The following TSNARE1 variants were observed in gnomAD, a reference collection of about 807,000 sequenced individuals.
The protein encoded by TSNARE1 is t-SNARE domain containing 1, also known as t-SNARE domain-containing protein 1.
In TSNARE1, 49 loss-of-function variants were observed where a neutral mutation model predicts 62.0. The ratio of observed to expected loss-of-function variants is 0.79; its 90% CI spans 0.63 to 1.00. The LOEUF is 1.00. Among genes scored for constraint, TSNARE1 ranks in the 50% least tolerant of loss-of-function variants. The pLI is 0.00. For synonymous variants in TSNARE1, 328 were observed against 294.4 expected, an observed-to-expected ratio of 1.11 and a Z score of -1.17; for missense variants, 755 against 700.1, an observed-to-expected ratio of 1.08 and a Z score of -0.88.
intron 12 of TSNARE1, chr8:142,269,478 T>C: frequency 2.0e-6 from 2 of 985,438 alleles, no homozygotes; most frequent in African/African-American, 3.5e-5. Context: ...TCAGCCGTGC[T>C]GGGTATCTTT....
In TSNARE1 at chr8:142,357,580, C is replaced by T. The variant is rs571930391; in HGVS notation, c.-39-2817G>A. The stretch of plus-strand genomic sequence containing the variant: ...AGGAGGGTGGAGCTAGGGATTGGCA[C>T]GGAACCCAGGGAGAGTCAAGGACAA... On this transcript the variant is annotated intron_variant, in intron 1 of 13. Coordinates refer to ENST00000524325, the MANE Select transcript of TSNARE1 (RefSeq NM_145003.5). 4.6e-4 allele frequency among the ~76,000 whole-genome samples: 70 copies of T among 152,222 alleles called. No individual in the cohort carries two copies. The East Asian group carries it at 9.9e-3, about 21-fold the overall frequency.
At chr8:142,287,195 C>A (rs1269354622) in intron 10 of TSNARE1, among the ~76,000 whole-genome samples, 7 of 147,972 alleles carry the variant, frequency 4.7e-5, no homozygotes, top group Admixed American at 4.7e-4. Flanking sequence ...CCCAGGACCC[C>A]GGCCAGATCT....
intron 1 of TSNARE1, among the ~76,000 whole-genome samples, chr8:142,356,979 C>T (rs563068996): frequency 1.3e-5 from 2 of 152,112 alleles, no homozygotes; most frequent in Admixed American, 6.5e-5. Flanking sequence ...AGAGGAGCAC[C>T]GAGAAGCCAA....
At chr8:142,337,576 C>A (rs185500687) in intron 4 of TSNARE1, among the ~76,000 whole-genome samples, 1 of 152,218 alleles carries the variant, frequency 6.6e-6, no homozygotes, top group Non-Finnish European at 1.5e-5. Context: ...CTGAGGGAGC[C>A]GCGGGGAGTG....
At chr8:142,272,823 A>G (rs1199848978) in intron 12 of TSNARE1, 20 of 983,260 alleles carry the variant, frequency 2.0e-5, no homozygotes, top group Non-Finnish European at 2.2e-5. Context: ...GGCCCCTCGC[A>G]GGCGGGAACA....
intron 12 of TSNARE1, among the ~76,000 whole-genome samples, chr8:142,247,299 C>G (rs184689085): frequency 2.2e-4 from 34 of 152,370 alleles, no homozygotes; most frequent in Middle Eastern, 3.4e-3. Context: ...GTCCAGCCCC[C>G]ACCCTGGTGC....
intron 9 of TSNARE1, among the ~76,000 whole-genome samples, chr8:142,307,100 T>C (rs1177636362): frequency 3.3e-5 from 5 of 152,242 alleles, no homozygotes; most frequent in Admixed American, 2.0e-4. Context: ...CTCAGCGTTA[T>C]GTCCGAGGCA....
chr8:142,213,464 C>T (rs1815673546), intron 13 of TSNARE1, among the ~76,000 whole-genome samples: 1 of 151,554 alleles, frequency 6.6e-6, no homozygotes, highest in South Asian at 2.1e-4. Context: ...ATCATTTTTG[C>T]ACAACCAATA....
chr8:142,378,440 C>G (rs908298407), intron 1 of TSNARE1, among the ~76,000 whole-genome samples: 20 of 152,242 alleles, frequency 1.3e-4, no homozygotes, highest in African/African-American at 2.4e-5. Flanking sequence ...CAAAACTCAT[C>G]ACACGGAACA....
intron 12 of TSNARE1, among the ~76,000 whole-genome samples, chr8:142,244,514 A>G (rs537155193): frequency 1.3e-5 from 2 of 152,204 alleles, no homozygotes; most frequent in African/African-American, 4.8e-5. Context: ...AGACAAGAAG[A>G]CTCACCATCG....
intron 11 of TSNARE1, chr8:142,277,917 CCCACA>C (rs1820767909): frequency 1.0e-6 from 1 of 985,402 alleles, no homozygotes; most frequent in Non-Finnish European, 1.2e-6. Flanking sequence ...CCTTCTCAGC[CCCACA>C]CCACATGTCT....
chr8:142,287,731 G>T (rs1310152667), intron 10 of TSNARE1, among the ~76,000 whole-genome samples: 2 of 138,514 alleles, frequency 1.4e-5, no homozygotes, highest in African/African-American at 5.5e-5. Context: ...AGATCTCAGG[G>T]ACAGTGGGCC....
At chr8:142,312,401 T>G (rs557501598) in intron 9 of TSNARE1, among the ~76,000 whole-genome samples, 27 of 152,296 alleles carry the variant, frequency 1.8e-4, no homozygotes, top group South Asian at 8.3e-4. Flanking sequence ...TTGCAGAGAT[T>G]CTAGATGATG....
intron 1 of TSNARE1, among the ~76,000 whole-genome samples, chr8:142,368,019 G>A (rs966172776): frequency 6.6e-6 from 1 of 151,970 alleles, no homozygotes; most frequent in African/African-American, 2.4e-5. Context: ...CCTCTATGTA[G>A]GGAAAAGTTT....
chr8:142,403,252 G>C (rs930785485), upstream of TSNARE1: 5 of 151,556 alleles, frequency 3.3e-5, no homozygotes, highest in African/African-American at 1.2e-4. Context: ...TCCCGGACGC[G>C]CGCGGGGACT....
chr8:142,383,701 C>A lies in TSNARE1; in HGVS notation c.-40+19403G>T, dbSNP rs143062120. Among the ~76,000 whole-genome samples the A allele has an allele frequency of 2.6e-4, 39 of 152,334 alleles. No individual in the cohort carries two copies. The East Asian group carries it at 6.8e-3, about 26-fold the overall frequency. On this transcript the variant is annotated intron_variant, in intron 1 of 13. Transcript: ENST00000524325. ...CACCAAAAGAGGCACTGGAACATTT[C>A]CTTTTTCAATGTTCACAACCCTAGG... is the stretch of plus-strand genomic sequence containing the variant.
At chr8:142,362,168 G>A (rs931883280) in intron 1 of TSNARE1, among the ~76,000 whole-genome samples, 6 of 152,200 alleles carry the variant, frequency 3.9e-5, no homozygotes, top group Admixed American at 1.3e-4. Flanking sequence ...ATCAGACAGC[G>A]GCACAGGAAG....
intron 1 of TSNARE1, among the ~76,000 whole-genome samples, chr8:142,378,249 C>G (rs533990511): frequency 6.6e-6 from 1 of 152,334 alleles, no homozygotes; most frequent in South Asian, 2.1e-4. Flanking sequence ...GCCACACCCA[C>G]AGTTCAGGAA....
chr8:142,247,076 G>A (rs1042284564), intron 12 of TSNARE1, among the ~76,000 whole-genome samples: 1 of 152,212 alleles, frequency 6.6e-6, no homozygotes, highest in Non-Finnish European at 1.5e-5. Context: ...AAACCCCGAT[G>A]CCAGTCCTGA....
Sources: gnomAD v4.1 joint callset for allele counts (sites outside exome capture counted in the v4.1 genomes callset) on GRCh38, gnomAD v4.1.1 for gene constraint, MANE v1.5 for transcripts, NCBI Gene and HGNC (gene_info 2026-07-23, HGNC 2026-07-21) for gene names.